EPHA6: variants seen among roughly 807,000 people sequenced by gnomAD.
EPHA6 encodes the protein ephrin type-A receptor 6.
EPHA6 carries 50 observed loss-of-function variants against 112.0 expected under a neutral mutation model. The ratio of observed to expected loss-of-function variants is 0.45; its 90% confidence interval spans 0.36 to 0.56. The LOEUF is 0.56. Ranked by LOEUF, EPHA6 falls within the 20% of genes least tolerant of loss-of-function variation. The probability of loss-of-function intolerance (pLI) is 0.00; values close to 1 mark genes in which losing one functional copy is unlikely to be tolerated. For missense variants in EPHA6, 1,280 were observed against 1,417.4 expected (o/e 0.90, Z 1.56); for synonymous variants, 529 against 490.7 (o/e 1.08, Z -1.03).
At chr3:97,358,301 T>A (rs545865346) in intron 5 of EPHA6, among the ~76,000 whole-genome samples, 2 of 152,270 alleles carry the variant, frequency 1.3e-5, no homozygotes, top group Admixed American at 1.3e-4. Context: ...GTTACAACAC[T>A]CTAATTTGAA....
intron 3 of EPHA6, among the ~76,000 whole-genome samples, chr3:97,012,624 T>C (rs1016920482): frequency 6.9e-6 from 1 of 145,064 alleles, no homozygotes; most frequent in African/African-American, 2.6e-5. Flanking sequence ...TATATATATG[T>C]ATTTTTTTTT....
intron 5 of EPHA6, among the ~76,000 whole-genome samples, chr3:97,393,010 T>C (rs1440573832): frequency 1.3e-5 from 2 of 151,812 alleles, no homozygotes; most frequent in Non-Finnish European, 2.9e-5. Context: ...TACTTTTGCC[T>C]GGAAGAATCA....
At chr3:97,720,506 T>G (rs2034477737) in intron 15 of EPHA6, 96 bp downstream of exon 15, 1 of 1,139,686 alleles carries the variant, frequency 8.8e-7, no homozygotes, top group Admixed American at 2.9e-5. Context: ...GATTGGCCTT[T>G]ATCTTCCTGA....
chr3:96,949,790 C>T (rs559847933), intron 2 of EPHA6, among the ~76,000 whole-genome samples: 10 of 152,182 alleles, frequency 6.6e-5, no homozygotes, highest in African/African-American at 2.4e-4. Context: ...CTTAAACTTA[C>T]TCTCTCTAGG....
intron 5 of EPHA6, among the ~76,000 whole-genome samples, chr3:97,259,698 A>T (rs974750808): frequency 6.6e-6 from 1 of 152,232 alleles, no homozygotes; most frequent in Admixed American, 6.5e-5. Context: ...GAAGTAAGAA[A>T]GGAAGAGAGG....
intron 5 of EPHA6, among the ~76,000 whole-genome samples, chr3:97,389,401 TA>T (rs1232931577): frequency 2.0e-5 from 3 of 152,306 alleles, no homozygotes; most frequent in Admixed American, 1.3e-4. Context: ...ATAACTCCCT[TA>T]TACGTGACCT....
chr3:97,556,464 C>G (rs1352283051), intron 11 of EPHA6, among the ~76,000 whole-genome samples: 4 of 152,026 alleles, frequency 2.6e-5, no homozygotes, highest in African/African-American at 9.7e-5. Flanking sequence ...GCATGTCCTT[C>G]TTCACATGGC....
intron 5 of EPHA6, among the ~76,000 whole-genome samples, chr3:97,391,515 G>T (rs1260437767): frequency 6.6e-6 from 1 of 151,898 alleles, no homozygotes; most frequent in Non-Finnish European, 1.5e-5. Flanking sequence ...GAGAAGTGCT[G>T]TACCTACTAA....
At position 97,750,648 on chromosome 3, in the gene EPHA6, C is replaced by G. The variant is rs1198864297; in HGVS notation, c.*1947C>G. Among the ~76,000 whole-genome samples the G allele has an allele frequency of 1.3e-5, 2 of 152,152 alleles. No individual in the cohort carries two copies. The highest frequency in any genetic ancestry group is 2.9e-5 in the Non-Finnish European group (2 of 68,028). Reference sequence around the variant, plus strand: ...GAGATTACAGGCGTGAGCCACCGCGCCTGGCCATTTTTTTCTTATATTTAG... The same window carrying G: ...GAGATTACAGGCGTGAGCCACCGCGGCTGGCCATTTTTTTCTTATATTTAG... On this transcript the variant is annotated 3_prime_UTR_variant, in exon 18 of 18. Coordinates refer to ENST00000389672, the MANE Select transcript of EPHA6 (RefSeq NM_001080448.3).
intron 6 of EPHA6, among the ~76,000 whole-genome samples, chr3:97,444,033 A>T (rs2090234587): frequency 6.6e-6 from 1 of 152,158 alleles, no homozygotes; most frequent in Non-Finnish European, 1.5e-5. Flanking sequence ...GATCATAGAT[A>T]AATGGAAATA....
At chr3:97,171,252 A>T (rs1435311765) in intron 3 of EPHA6, among the ~76,000 whole-genome samples, 2 of 152,210 alleles carry the variant, frequency 1.3e-5, no homozygotes, top group African/African-American at 4.8e-5. Flanking sequence ...TTAAGTATAA[A>T]CATTTATTCC....
At chr3:96,923,070 T>C (rs2039854881) in intron 2 of EPHA6, among the ~76,000 whole-genome samples, 2 of 152,208 alleles carry the variant, frequency 1.3e-5, no homozygotes, top group African/African-American at 4.8e-5. Context: ...TTCCATGTCT[T>C]TGCTCTTGTG....
At chr3:97,592,887 T>C (rs1045321044) in intron 12 of EPHA6, 150 bp downstream of exon 12, 8 of 972,002 alleles carry the variant, frequency 8.2e-6, no homozygotes, top group Non-Finnish European at 1.1e-5. Context: ...ACCATATTTA[T>C]AATACTGAAT....
At chr3:97,546,152 C>T (rs1199578184) in intron 11 of EPHA6, among the ~76,000 whole-genome samples, 1 of 152,200 alleles carries the variant, frequency 6.6e-6, no homozygotes, top group African/African-American at 2.4e-5. Flanking sequence ...GCAGTTTCTT[C>T]CTAGCCTTGA....
At chr3:96,940,957 C>T (rs1427077099) in intron 2 of EPHA6, among the ~76,000 whole-genome samples, 1 of 152,224 alleles carries the variant, frequency 6.6e-6, no homozygotes, top group Non-Finnish European at 1.5e-5. Context: ...AGAGTTTCTG[C>T]CGAGAGATCA....
intron 3 of EPHA6, among the ~76,000 whole-genome samples, chr3:97,079,836 G>A (rs1031405903): frequency 2.7e-5 from 4 of 150,874 alleles, no homozygotes; most frequent in African/African-American, 9.7e-5. Flanking sequence ...AACCATCAAC[G>A]TTGAGGCAAG....
chr3:97,522,584 T>C (rs750369180), intron 10 of EPHA6, among the ~76,000 whole-genome samples: 27 of 152,180 alleles, frequency 1.8e-4, no homozygotes, highest in Non-Finnish European at 3.5e-4. Context: ...AGAAGTATTC[T>C]CTCTTCTTCA....
chr3:97,672,128 C>G (rs1342552501), intron 14 of EPHA6, among the ~76,000 whole-genome samples: 2 of 152,158 alleles, frequency 1.3e-5, no homozygotes, highest in Non-Finnish European at 2.9e-5. Context: ...AAAATTATAT[C>G]ATTCATTTCC....
chr3:97,137,451 G>T (rs1254313060), intron 3 of EPHA6, among the ~76,000 whole-genome samples: 1 of 152,034 alleles, frequency 6.6e-6, no homozygotes, highest in African/African-American at 2.4e-5. Context: ...TCAGTTAACA[G>T]ACCTGTAAAA....
Sources: allele counts gnomAD v4.1 joint callset (sites outside exome capture counted in the v4.1 genomes callset), GRCh38; gene constraint gnomAD v4.1.1; transcripts MANE v1.5; gene names NCBI Gene and HGNC (gene_info 2026-07-23, HGNC 2026-07-21).